Variants in GNAI3 observed in about 807,000 individuals in gnomAD.
GNAI3 encodes the protein G protein subunit alpha i3.
In GNAI3, 12 loss-of-function variants were observed where a neutral mutation model predicts 41.8. That is an observed-to-expected ratio of 0.29 (90% CI 0.18 to 0.47). GNAI3 has a LOEUF of 0.47. GNAI3 is among the 20% of genes least tolerant of loss of function. GNAI3 has a pLI of 1.00. For missense variants in GNAI3, 360 were observed against 429.6 expected (o/e 0.84, Z 1.43); for synonymous variants, 132 against 146.5 (o/e 0.90, Z 0.71).
chr1:109,553,344 T>A (rs1648044677), intron 1 of GNAI3, among the ~76,000 whole-genome samples: 1 of 151,206 alleles, frequency 6.6e-6, no homozygotes, highest in Admixed American at 6.6e-5. Context: ...TGAGAAAACA[T>A]AAAAAAAAAC....
intron 1 of GNAI3, among the ~76,000 whole-genome samples, chr1:109,568,175 A>G (rs1165556513): frequency 1.3e-5 from 2 of 152,104 alleles, no homozygotes; most frequent in Non-Finnish European, 2.9e-5. Flanking sequence ...ATAATGTAAT[A>G]TATGTTATTG....
rs1199236115 is a variant in GNAI3, at chr1:109,592,331, T to C, written c.*23-14T>C. 3 of 754,570 alleles carry C rather than the reference T, an allele frequency of 4.0e-6. No homozygotes were observed. Among genetic ancestry groups the C allele is most frequent in the Non-Finnish European group, 4.4e-6 (2 of 452,888 alleles). 46.7% of individuals were successfully genotyped at this position (754,570 alleles called of 1,614,324 possible). On this transcript the variant is annotated splice_polypyrimidine_tract_variant and intron_variant, in intron 8 of 8. Transcript: ENST00000369851. ...TTTAAACTTTTTCTAATTAAGAATA[T>C]TCTTCTCTTCTAGTTACTACAGTGT...
chr1:109,579,395 G>A, intron 4 of GNAI3, 34 bp downstream of exon 4: 3 of 1,531,848 alleles, frequency 2.0e-6, no homozygotes, highest in Non-Finnish European at 2.7e-6. Context: ...CTATAACAGA[G>A]AATAACTTGG....
At chr1:109,581,998 C>G (rs528275931) in intron 4 of GNAI3, among the ~76,000 whole-genome samples, 1 of 151,946 alleles carries the variant, frequency 6.6e-6, no homozygotes, top group Non-Finnish European at 1.5e-5. Context: ...CTTATTATTT[C>G]TTTCTTTTTT....
In GNAI3 at chr1:109,598,701, GCTGT is replaced by G. The variant is rs768404791; in HGVS notation, c.*6382_*6385del. On this transcript the variant is annotated 3_prime_UTR_variant, in exon 9 of 9. Transcript: ENST00000369851. ...TTGCTTTGTTTTACATTTAAATCCA[GCTGT>G]CTATTTTCTGCTTATACTAGTGCTT... 3.7e-5 allele frequency: 9 copies of G among 242,190 alleles called. No individual in the cohort carries two copies. The highest frequency in any genetic ancestry group is 9.4e-5 in the Admixed American group (2 of 21,384). The allele number at this position is 242,190 out of a possible 1,614,324, so 15.0% of individuals were successfully genotyped here. A position where few individuals can be genotyped will look rare whatever the true frequency, so the allele number is the denominator to read the frequency against.
intron 1 of GNAI3, among the ~76,000 whole-genome samples, chr1:109,564,041 GTTT>G (rs5776986): frequency 4.5e-5 from 6 of 134,742 alleles, no homozygotes; most frequent in Admixed American, 7.4e-5. Flanking sequence ...GTTTTTGTGT[GTTT>G]TTTTTTTTTT....
intron 7 of GNAI3, among the ~76,000 whole-genome samples, 166 bp from the exon 8 acceptor site, chr1:109,591,877 C>T (rs747391093): frequency 1.3e-5 from 2 of 152,148 alleles, no homozygotes; most frequent in Non-Finnish European, 2.9e-5. Context: ...TCCACTCTCA[C>T]GAAGAACCTA....
At chr1:109,578,046 G>A (rs770637438) in intron 3 of GNAI3, among the ~76,000 whole-genome samples, 2 of 152,112 alleles carry the variant, frequency 1.3e-5, no homozygotes, top group Non-Finnish European at 2.9e-5. Flanking sequence ...AAATCATCCC[G>A]TGAGACCTGT....
chr1:109,592,448 G>A lies in GNAI3; in HGVS notation c.*126G>A. 1 of 400,132 alleles carries A rather than the reference G, an allele frequency of 2.5e-6. No individual in the cohort carries two copies. Among genetic ancestry groups the A allele is most frequent in the Non-Finnish European group, 4.5e-6 (1 of 221,424 alleles). 24.8% of individuals were successfully genotyped at this position (400,132 alleles called of 1,614,324 possible). On this transcript the variant is annotated 3_prime_UTR_variant, in exon 9 of 9. Transcript: ENST00000369851. ...AATGGCAGCAGCATGCAGAATCTTAGCACTCTTTAGCACAATATTTTGTAT... is the reference window on the plus strand; with the variant it reads ...AATGGCAGCAGCATGCAGAATCTTAACACTCTTTAGCACAATATTTTGTAT...
intron 1 of GNAI3, among the ~76,000 whole-genome samples, chr1:109,564,955 C>CT (rs1165931571): frequency 2.0e-5 from 3 of 152,148 alleles, no homozygotes; most frequent in Non-Finnish European, 2.9e-5. Flanking sequence ...TCACTGCCTT[C>CT]TTTTATCCTT....
rs988745866 is a variant in GNAI3 at position 109,595,754 on chromosome 1, A to C, written c.*3432A>C. The C allele has an allele frequency of 1.3e-5, 2 of 151,990 alleles. No individual in the cohort carries two copies. Among genetic ancestry groups the C allele is most frequent in the African/African-American group, 4.8e-5 (2 of 41,386 alleles). 9.4% of individuals were successfully genotyped at this position (151,990 alleles called of 1,614,324 possible). The stretch of plus-strand genomic sequence containing the variant: ...GTTGCAGAACTCCTTGCTGTATTGC[A>C]GTCATATATAAGGTAAAGTCAGTCT... On this transcript the variant is annotated 3_prime_UTR_variant, in exon 9 of 9. Coordinates refer to ENST00000369851, the MANE Select transcript of GNAI3 (RefSeq NM_006496.4).
chr1:109,562,599 A>G (rs1279781859), intron 1 of GNAI3, among the ~76,000 whole-genome samples: 1 of 152,172 alleles, frequency 6.6e-6, no homozygotes, highest in Non-Finnish European at 1.5e-5. Flanking sequence ...TTTTGGCTGA[A>G]CAGCTTTGGT....
chr1:109,591,595 C>T (rs56367504), intron 7 of GNAI3: 41,556 of 520,232 alleles, frequency 0.08, 1,850 homozygotes, highest in Non-Finnish European at 0.1. Context: ...TGCTAATCTT[C>T]TCTGTATTGT....
chr1:109,573,891 T>C lies in GNAI3; in HGVS notation c.162-5T>C, dbSNP rs1262050172. The C allele has an allele frequency of 6.2e-7, 1 of 1,609,756 alleles. No individual in the cohort carries two copies. The highest frequency in any genetic ancestry group is 8.5e-7 in the Non-Finnish European group (1 of 1,177,214). Reference sequence around the variant, plus strand: ...TATTGACTTGTGGTTTTCTTTGTTTTAAAGAATCATTCATGAGGATGGCTA... The same window carrying C: ...TATTGACTTGTGGTTTTCTTTGTTTCAAAGAATCATTCATGAGGATGGCTA... On this transcript the variant is annotated splice_region_variant and splice_polypyrimidine_tract_variant and intron_variant, in intron 2 of 8. Coordinates refer to ENST00000369851, the MANE Select transcript of GNAI3 (RefSeq NM_006496.4).
At chr1:109,580,247 C>T (rs1648857738) in intron 4 of GNAI3, among the ~76,000 whole-genome samples, 1 of 152,176 alleles carries the variant, frequency 6.6e-6, no homozygotes, top group Admixed American at 6.5e-5. Context: ...ATCCACCCAC[C>T]TCTGCCTCCC....
chr1:109,584,425 ATTAT>A (rs1250928259), intron 5 of GNAI3, among the ~76,000 whole-genome samples: 1 of 152,214 alleles, frequency 6.6e-6, no homozygotes, highest in African/African-American at 2.4e-5. Flanking sequence ...AGTTGTGATC[ATTAT>A]TTAGTGTTGG....
rs957900928 is a variant in GNAI3, at chr1:109,598,708, A to G, written c.*6386A>G. ...GTTTTACATTTAAATCCAGCTGTCTATTTTCTGCTTATACTAGTGCTTTTT... is the reference window on the plus strand; with the variant it reads ...GTTTTACATTTAAATCCAGCTGTCTGTTTTCTGCTTATACTAGTGCTTTTT... On this transcript the variant is annotated 3_prime_UTR_variant, in exon 9 of 9. Coordinates refer to ENST00000369851, the MANE Select transcript of GNAI3 (RefSeq NM_006496.4). 2 of 251,348 alleles carry G rather than the reference A, an allele frequency of 8.0e-6. No homozygotes were observed. Among genetic ancestry groups the G allele is most frequent in the South Asian group, 7.2e-5 (2 of 27,740 alleles). The allele number at this position is 251,348 out of a possible 1,614,324, so 15.6% of individuals were successfully genotyped here.
At chr1:109,567,372 G>A (rs1377528847) in intron 1 of GNAI3, among the ~76,000 whole-genome samples, 5 of 152,332 alleles carry the variant, frequency 3.3e-5, no homozygotes, top group African/African-American at 9.6e-5. Context: ...ATCTCAGGTG[G>A]TAGTGGTGCA....
At chr1:109,554,946 A>C (rs1411414399) in intron 1 of GNAI3, among the ~76,000 whole-genome samples, 1 of 152,332 alleles carries the variant, frequency 6.6e-6, no homozygotes, top group South Asian at 2.1e-4. Context: ...ACAAACAAAC[A>C]AACAATACTT....
Sources: gnomAD v4.1 joint callset for allele counts (sites outside exome capture counted in the v4.1 genomes callset) on GRCh38, gnomAD v4.1.1 for gene constraint, MANE v1.5 for transcripts, NCBI Gene and HGNC (gene_info 2026-07-23, HGNC 2026-07-21) for gene names.